Variants in KHDRBS2 observed in about 807,000 individuals in gnomAD.
KHDRBS2 encodes KH RNA binding domain containing, signal transduction associated 2.
KHDRBS2 carries 26 observed loss-of-function variants against 44.3 expected under a neutral mutation model. That is an observed-to-expected ratio of 0.59 (90% CI 0.43 to 0.81). The LOEUF (loss-of-function observed/expected upper bound fraction) is 0.81. Ranked by LOEUF, KHDRBS2 falls within the 40% of genes least tolerant of loss-of-function variation. The pLI is 0.00. For missense variants in KHDRBS2, 476 were observed against 433.1 expected, an observed-to-expected ratio of 1.10 and a Z score of -0.88; for synonymous variants, 194 against 151.1, an observed-to-expected ratio of 1.28 and a Z score of -2.08.
chr6:61,937,866 T>G (rs1305058938), intron 4 of KHDRBS2, among the ~76,000 whole-genome samples: 2 of 152,144 alleles, frequency 1.3e-5, no homozygotes, highest in African/African-American at 4.8e-5. Flanking sequence ...TAGGCACTGC[T>G]GTAAATTTCC....
chr6:61,582,884 GTCTTTTCAAA>G, the KHDRBS2 span, among the ~76,000 whole-genome samples: 1 of 151,640 alleles, frequency 6.6e-6, no homozygotes, highest in South Asian at 2.1e-4. Context: ...CTTGCTATAA[GTCTTTTCAAA>G]TCTTTTCATA....
chr6:62,050,114 T>TA (rs1788657609), intron 2 of KHDRBS2, among the ~76,000 whole-genome samples: 1 of 151,884 alleles, frequency 6.6e-6, no homozygotes. Flanking sequence ...TATGCAGCCA[T>TA]AAAAAAGGAT....
chr6:61,607,519 GCAAAAAAA>G, the KHDRBS2 span, among the ~76,000 whole-genome samples: 2 of 23,322 alleles, frequency 8.6e-5, no homozygotes, highest in Non-Finnish European at 1.5e-4. Flanking sequence ...TGAGTTCCAA[GCAAAAAAA>G]AAAAAAAAAA....
At chr6:62,110,193 G>A (rs1037478114) in intron 2 of KHDRBS2, among the ~76,000 whole-genome samples, 1 of 151,968 alleles carries the variant, frequency 6.6e-6, no homozygotes, top group African/African-American at 2.4e-5. Context: ...AAATACTGGT[G>A]CTAATATGAA....
At chr6:61,896,386 A>AT (rs911604766) in intron 5 of KHDRBS2, among the ~76,000 whole-genome samples, 207 of 151,818 alleles carry the variant, frequency 1.4e-3, no homozygotes, top group African/African-American at 4.5e-3. Flanking sequence ...TAAGATAGAT[A>AT]TTTTTTTTTC....
At chr6:62,080,839 C>A (rs1316744850) in intron 2 of KHDRBS2, among the ~76,000 whole-genome samples, 2 of 151,972 alleles carry the variant, frequency 1.3e-5, no homozygotes, top group Non-Finnish European at 2.9e-5. Context: ...AACCCTGGCT[C>A]CCACCTTGCT....
At chr6:62,001,522 T>C (rs374863176) in intron 3 of KHDRBS2, among the ~76,000 whole-genome samples, 15 of 152,154 alleles carry the variant, frequency 9.9e-5, no homozygotes, top group African/African-American at 3.6e-4. Flanking sequence ...AACTTGAAAC[T>C]GCCCAGGGTG....
At chr6:62,024,509 A>C (rs9351627) in intron 3 of KHDRBS2, among the ~76,000 whole-genome samples, 125,407 of 151,380 alleles carry the variant, frequency 0.83, 52,302 homozygotes, top group Admixed American at 0.88. Context: ...AAAGTGATAA[A>C]TTTTAAATTA....
At chr6:62,111,774 T>C (rs1330983293) in intron 2 of KHDRBS2, among the ~76,000 whole-genome samples, 1 of 152,036 alleles carries the variant, frequency 6.6e-6, no homozygotes, top group East Asian at 1.9e-4. Context: ...CCTAGCTACA[T>C]ATGAGGCTGA....
intron 1 of KHDRBS2, among the ~76,000 whole-genome samples, chr6:62,253,948 T>C (rs1836963532): frequency 6.6e-6 from 1 of 151,948 alleles, no homozygotes; most frequent in Non-Finnish European, 1.5e-5. Flanking sequence ...ATTTGAGGAA[T>C]TATCCCATTA....
At chr6:61,637,743 G>A in the KHDRBS2 span, among the ~76,000 whole-genome samples, 13 of 152,172 alleles carry the variant, frequency 8.5e-5, no homozygotes, top group East Asian at 2.1e-3. Flanking sequence ...GTGTGAGATG[G>A]TATCTCATTG....
At chr6:61,893,763 C>T (rs371515603) in intron 6 of KHDRBS2, among the ~76,000 whole-genome samples, 6 of 151,688 alleles carry the variant, frequency 4.0e-5, no homozygotes, top group South Asian at 2.1e-4. Context: ...GTGAGGGGAG[C>T]GGGGAGGGAT....
chr6:61,787,054 TA>T (rs1216726326), intron 6 of KHDRBS2, among the ~76,000 whole-genome samples: 2 of 148,888 alleles, frequency 1.3e-5, no homozygotes, highest in Non-Finnish European at 3.0e-5. Flanking sequence ...TAATTATATA[TA>T]AATATGTATA....
chr6:61,902,538 C>A (rs1223019882), intron 4 of KHDRBS2, among the ~76,000 whole-genome samples: 2 of 152,054 alleles, frequency 1.3e-5, no homozygotes, highest in African/African-American at 2.4e-5. Flanking sequence ...CTCTCACACA[C>A]CCCTGGTTGA....
intron 1 of KHDRBS2, among the ~76,000 whole-genome samples, chr6:62,182,811 C>T (rs1410578104): frequency 6.6e-6 from 1 of 151,474 alleles, no homozygotes; most frequent in East Asian, 1.9e-4. Context: ...TTTTTAATAC[C>T]TCCCCTATAT....
At chr6:61,586,836 G>A in the KHDRBS2 span, among the ~76,000 whole-genome samples, 7 of 152,244 alleles carry the variant, frequency 4.6e-5, no homozygotes, top group African/African-American at 1.7e-4. Flanking sequence ...CATGCCTGAA[G>A]CCAGCTTCAT....
At chr6:61,798,471 T>C (rs946132517) in intron 6 of KHDRBS2, among the ~76,000 whole-genome samples, 3 of 152,094 alleles carry the variant, frequency 2.0e-5, no homozygotes, top group Non-Finnish European at 2.9e-5. Context: ...CACGGTCAGT[T>C]TGGTTAAAGA....
At chr6:61,782,689 G>GTATA (rs70993182) in intron 6 of KHDRBS2, among the ~76,000 whole-genome samples, 50 of 111,074 alleles carry the variant, frequency 4.5e-4, no homozygotes, top group Non-Finnish European at 7.0e-4. Flanking sequence ...TAAAGGTTGT[G>GTATA]TATATATATA....
intron 3 of KHDRBS2, among the ~76,000 whole-genome samples, chr6:62,028,458 C>A (rs931937884): frequency 6.6e-6 from 1 of 151,854 alleles, no homozygotes; most frequent in South Asian, 2.1e-4. Context: ...CTGTGTTGAT[C>A]GTCTGGTTAA....
Sources: allele counts gnomAD v4.1 joint callset (sites outside exome capture counted in the v4.1 genomes callset), GRCh38; gene constraint gnomAD v4.1.1; transcripts MANE v1.5; gene names NCBI Gene and HGNC (gene_info 2026-07-23, HGNC 2026-07-21).